CREB5: variants seen among roughly 807,000 people sequenced by gnomAD.
CREB5 encodes the protein cyclic AMP-responsive element-binding protein 5.
Under a neutral mutation model 57.1 loss-of-function variants are expected in CREB5, and 19 were observed. The ratio of observed to expected loss-of-function variants is 0.33; its 90% CI spans 0.23 to 0.49. The LOEUF (loss-of-function observed/expected upper bound fraction) is 0.49, where lower values mean the gene tolerates loss of function less well. Ranked by LOEUF, CREB5 falls within the 20% of genes least tolerant of loss-of-function variation. CREB5 has a pLI of 0.99. For missense variants in CREB5, 579 were observed against 671.6 expected, an observed-to-expected ratio of 0.86 and a Z score of 1.52; for synonymous variants, 238 against 238.3, an observed-to-expected ratio of 1.00 and a Z score of 0.01.
intron 1 of CREB5, among the ~76,000 whole-genome samples, chr7:28,386,477 T>C (rs1787106266): frequency 6.6e-6 from 1 of 152,234 alleles, no homozygotes; most frequent in Admixed American, 6.5e-5. Flanking sequence ...GTCTGGTGTT[T>C]TGCAGCTTCG....
intron 4 of CREB5, among the ~76,000 whole-genome samples, chr7:28,522,763 C>T (rs1001961267): frequency 6.6e-6 from 1 of 152,162 alleles, no homozygotes. Context: ...TCTGGATTTG[C>T]CCACATTCTG....
At chr7:28,354,446 T>C (rs1288381539) in intron 1 of CREB5, among the ~76,000 whole-genome samples, 1 of 152,174 alleles carries the variant, frequency 6.6e-6, no homozygotes, top group Non-Finnish European at 1.5e-5. Flanking sequence ...ACTCCAGGTT[T>C]TTCAGTTTTG....
intron 4 of CREB5, among the ~76,000 whole-genome samples, chr7:28,561,017 CGTGTGTGCGTGTGTGT>C (rs139649903): frequency 0.37 from 11,339 of 30,284 alleles, 2,237 homozygotes; most frequent in East Asian, 0.66. Context: ...TGTGTGTGTG[CGTGTGTGCGTGTGTGT>C]GTGTGTGTGT....
chr7:28,617,602 T>C (rs984687248), intron 5 of CREB5, among the ~76,000 whole-genome samples: 1 of 152,228 alleles, frequency 6.6e-6, no homozygotes, highest in Non-Finnish European at 1.5e-5. Flanking sequence ...CTAAGAGCAA[T>C]GGGGGCTTCC....
At chr7:28,507,048 C>T (rs1299769136) in intron 3 of CREB5, among the ~76,000 whole-genome samples, 1 of 152,174 alleles carries the variant, frequency 6.6e-6, no homozygotes, top group Non-Finnish European at 1.5e-5. Flanking sequence ...ATGTGTTTGA[C>T]TTGGAACTTT....
chr7:28,717,055 C>A (rs1310210463), intron 5 of CREB5, among the ~76,000 whole-genome samples: 1 of 149,290 alleles, frequency 6.7e-6, no homozygotes, highest in Non-Finnish European at 1.5e-5. Flanking sequence ...TAGTGTATAT[C>A]TGCATAATCT....
chr7:28,355,129 C>T (rs1036021640), intron 1 of CREB5, among the ~76,000 whole-genome samples: 3 of 152,206 alleles, frequency 2.0e-5, no homozygotes, highest in African/African-American at 7.2e-5. Context: ...TTCATTTTGA[C>T]TGTGTATGCA....
intron 5 of CREB5, among the ~76,000 whole-genome samples, chr7:28,665,518 A>C (rs139737311): frequency 6.6e-6 from 1 of 152,298 alleles, no homozygotes; most frequent in African/African-American, 2.4e-5. Context: ...TATAACTATC[A>C]ACTTACCAAA....
chr7:28,324,921 C>G (rs942174203), intron 1 of CREB5, among the ~76,000 whole-genome samples: 3 of 152,188 alleles, frequency 2.0e-5, no homozygotes, highest in Non-Finnish European at 4.4e-5. Context: ...AATCTAGGAA[C>G]TATCTTGATG....
chr7:28,470,730 C>A (rs564550785), intron 1 of CREB5, among the ~76,000 whole-genome samples: 2 of 152,240 alleles, frequency 1.3e-5, no homozygotes, highest in African/African-American at 2.4e-5. Context: ...CACATCCTCG[C>A]CAGCATTTGT....
chr7:28,623,991 G>A (rs1419937179), intron 5 of CREB5, among the ~76,000 whole-genome samples: 1 of 152,154 alleles, frequency 6.6e-6, no homozygotes, highest in African/African-American at 2.4e-5. Flanking sequence ...GATGATGGTG[G>A]TGATGACAAC....
At chr7:28,387,533 T>C (rs1162173698) in intron 1 of CREB5, among the ~76,000 whole-genome samples, 1 of 152,196 alleles carries the variant, frequency 6.6e-6, no homozygotes, top group African/African-American at 2.4e-5. Context: ...AGGTTGTCTG[T>C]TCGTTCTGAT....
At chr7:28,748,045 G>A (rs1266723019) in intron 7 of CREB5, among the ~76,000 whole-genome samples, 1 of 152,206 alleles carries the variant, frequency 6.6e-6, no homozygotes, top group Non-Finnish European at 1.5e-5. Context: ...GTGGCCATGT[G>A]GCTGGCTGCA....
At chr7:28,531,827 G>A (rs1278309292) in intron 4 of CREB5, among the ~76,000 whole-genome samples, 2 of 151,964 alleles carry the variant, frequency 1.3e-5, no homozygotes, top group African/African-American at 2.4e-5. Context: ...TCAGGAGATC[G>A]AGACCATCCT....
intron 7 of CREB5, among the ~76,000 whole-genome samples, chr7:28,782,367 A>G (rs573576659): frequency 3.8e-4 from 58 of 152,370 alleles, no homozygotes; most frequent in African/African-American, 1.3e-3. Context: ...CATTGTCAGC[A>G]GCAGAAATTG....
chr7:28,606,256 T>C (rs1797127351), intron 5 of CREB5, among the ~76,000 whole-genome samples: 1 of 152,216 alleles, frequency 6.6e-6, no homozygotes, highest in Non-Finnish European at 1.5e-5. Context: ...TAACTAGAGT[T>C]GTTTGCATTC....
chr7:28,455,066 G>T (rs1347887618), intron 1 of CREB5, among the ~76,000 whole-genome samples: 1 of 152,206 alleles, frequency 6.6e-6, no homozygotes, highest in African/African-American at 2.4e-5. Flanking sequence ...AATGAACAGA[G>T]TTTTTTAAAA....
At chr7:28,524,237 G>T (rs373035468) in intron 4 of CREB5, among the ~76,000 whole-genome samples, 1 of 151,976 alleles carries the variant, frequency 6.6e-6, no homozygotes, top group Non-Finnish European at 1.5e-5. Context: ...AGCATTTCGG[G>T]AGTCAAAGAT....
intron 4 of CREB5, among the ~76,000 whole-genome samples, chr7:28,511,352 G>GGGC: frequency 6.6e-6 from 1 of 152,208 alleles, no homozygotes; most frequent in Middle Eastern, 3.4e-3. Context: ...GGTGCTCTGT[G>GGGC]TGTTGGAGGA....
Sources: gnomAD v4.1 joint callset for allele counts (sites outside exome capture counted in the v4.1 genomes callset) on GRCh38, gnomAD v4.1.1 for gene constraint, MANE v1.5 for transcripts, NCBI Gene and HGNC (gene_info 2026-07-23, HGNC 2026-07-21) for gene names.